CADM1: variants seen among roughly 807,000 people sequenced by gnomAD.
The protein encoded by CADM1 is cell adhesion molecule 1.
CADM1 carries 15 observed loss-of-function variants against 53.1 expected under a neutral mutation model. The observed-to-expected ratio is 0.28, with a 90% CI of 0.19 to 0.44. The LOEUF is 0.44. Among genes scored for constraint, CADM1 ranks in the 20% least tolerant of loss-of-function variants. The probability of loss-of-function intolerance (pLI) is 1.00; values close to 1 mark genes in which losing one functional copy is unlikely to be tolerated. For missense variants in CADM1, 434 were observed against 611.3 expected (o/e 0.71, Z 3.06); for synonymous variants, 281 against 243.0 (o/e 1.16, Z -1.45).
intron 5 of CADM1, among the ~76,000 whole-genome samples, chr11:115,222,541 C>G (rs1007608709): frequency 6.6e-6 from 1 of 152,026 alleles, no homozygotes; most frequent in African/African-American, 2.4e-5. Context: ...TTTTCACTGC[C>G]GTTTATTTTG....
At chr11:115,273,295 T>C (rs1430089902) in intron 1 of CADM1, among the ~76,000 whole-genome samples, 1 of 152,222 alleles carries the variant, frequency 6.6e-6, no homozygotes. Flanking sequence ...ATAAAGAATG[T>C]CTATACTACA....
chr11:115,211,929 T>G (rs1940985019), intron 7 of CADM1, among the ~76,000 whole-genome samples: 1 of 151,352 alleles, frequency 6.6e-6, no homozygotes, highest in Non-Finnish European at 1.5e-5. Context: ...AGACACAGAC[T>G]TCAGAGAAAG....
chr11:115,469,031 C>CA (rs1948954036), intron 1 of CADM1, among the ~76,000 whole-genome samples: 1 of 152,136 alleles, frequency 6.6e-6, no homozygotes, highest in Non-Finnish European at 1.5e-5. Flanking sequence ...AATTACCTCC[C>CA]ACCGGGTCCC....
chr11:115,274,786 G>A (rs1943398556), intron 1 of CADM1, among the ~76,000 whole-genome samples: 1 of 152,034 alleles, frequency 6.6e-6, no homozygotes, highest in South Asian at 2.1e-4. Context: ...TCTTGGGTGG[G>A]GTGGCAGCCC....
chr11:115,308,612 C>T (rs899540451), intron 1 of CADM1, among the ~76,000 whole-genome samples: 9 of 151,872 alleles, frequency 5.9e-5, no homozygotes, highest in East Asian at 1.9e-4. Flanking sequence ...TTAGTTTTCT[C>T]GTAGAAAGGT....
chr11:115,318,398 C>T (rs1315040503), intron 1 of CADM1, among the ~76,000 whole-genome samples: 1 of 152,118 alleles, frequency 6.6e-6, no homozygotes, highest in Non-Finnish European at 1.5e-5. Flanking sequence ...TGCTTAGTTT[C>T]CTCAAGTTTC....
chr11:115,384,551 C>T (rs1946653548), intron 1 of CADM1, among the ~76,000 whole-genome samples: 2 of 152,276 alleles, frequency 1.3e-5, no homozygotes, highest in South Asian at 4.1e-4. Context: ...TGCTTCTTTG[C>T]AACTGGGTAG....
intron 1 of CADM1, among the ~76,000 whole-genome samples, chr11:115,298,507 A>G (rs1337428890): frequency 3.3e-5 from 5 of 152,316 alleles, no homozygotes; most frequent in South Asian, 2.1e-4. Context: ...CTCTTTAACA[A>G]TAACTTCTCC....
chr11:115,494,930 G>T (rs1024218084), intron 1 of CADM1, among the ~76,000 whole-genome samples: 1 of 152,114 alleles, frequency 6.6e-6, no homozygotes, highest in Admixed American at 6.5e-5. Context: ...GCCCAGAGAT[G>T]GAGAGATTTG....
At chr11:115,324,958 C>T (rs774489170) in intron 1 of CADM1, among the ~76,000 whole-genome samples, 50 of 152,164 alleles carry the variant, frequency 3.3e-4, no homozygotes, top group Non-Finnish European at 5.9e-4. Flanking sequence ...TTATGAGCTG[C>T]TTTTTCCCCT....
At chr11:115,250,970 G>C (rs1942586761) in intron 1 of CADM1, among the ~76,000 whole-genome samples, 1 of 152,184 alleles carries the variant, frequency 6.6e-6, no homozygotes, top group African/African-American at 2.4e-5. Flanking sequence ...GAGAACTAAT[G>C]AATGAATTTA....
At chr11:115,302,406 G>A (rs1368678227) in intron 1 of CADM1, among the ~76,000 whole-genome samples, 1 of 151,994 alleles carries the variant, frequency 6.6e-6, no homozygotes, top group Non-Finnish European at 1.5e-5. Flanking sequence ...CAAATAGCAA[G>A]TGCATTTTTT....
At chr11:115,250,049 C>T (rs1165681432) in intron 1 of CADM1, among the ~76,000 whole-genome samples, 4 of 152,082 alleles carry the variant, frequency 2.6e-5, no homozygotes, top group East Asian at 1.9e-4. Context: ...GGACTACAGG[C>T]GCCCGCCACC....
At chr11:115,490,560 G>A (rs1949472670) in intron 1 of CADM1, among the ~76,000 whole-genome samples, 2 of 151,830 alleles carry the variant, frequency 1.3e-5, no homozygotes, top group Admixed American at 6.6e-5. Flanking sequence ...CACCACGCCC[G>A]GCTAATTTTT....
Position 115,198,343 on chromosome 11 carries a change from C to G in CADM1, c.1111+63G>C, listed in dbSNP as rs1283546468. ...CCTTGAAGACTACATTTCTCTTTTTCCCAGGCTTGCCTTGCCTCTCAGCAG... is the reference window on the plus strand; with the variant it reads ...CCTTGAAGACTACATTTCTCTTTTTGCCAGGCTTGCCTTGCCTCTCAGCAG... On this transcript the variant is annotated intron_variant, in intron 9 of 11. Coordinates refer to ENST00000331581, the MANE Select transcript of CADM1 (RefSeq NM_001301043.2). 5.5e-6 allele frequency: 7 copies of G among 1,274,002 alleles called. No homozygotes were observed. The East Asian group carries it at 1.7e-4, about 30-fold the overall frequency. The allele number at this position is 1,274,002 out of a possible 1,614,324, so 78.9% of individuals were successfully genotyped here.
At chr11:115,333,068 T>C (rs1329468844) in intron 1 of CADM1, among the ~76,000 whole-genome samples, 1 of 152,122 alleles carries the variant, frequency 6.6e-6, no homozygotes, top group Admixed American at 6.6e-5. Context: ...TGATGTCCCA[T>C]CAGTTCTTCA....
chr11:115,279,747 T>TA (rs952797477), intron 1 of CADM1, among the ~76,000 whole-genome samples: 21 of 152,310 alleles, frequency 1.4e-4, no homozygotes, highest in African/African-American at 4.8e-4. Context: ...GACAAATTTA[T>TA]AAAAAATATA....
chr11:115,171,769 G>A lies in CADM1; in HGVS notation c.*4705C>T, dbSNP rs1938798271. The A allele has an allele frequency of 6.6e-6, 1 of 152,194 alleles. No homozygotes were observed. Among genetic ancestry groups the A allele is most frequent in the Non-Finnish European group, 1.5e-5 (1 of 68,048 alleles). The allele number at this position is 152,194 out of a possible 1,614,324, so 9.4% of individuals were successfully genotyped here. ...TGCAGACAAGAGGGAGAGGGGTGGG[G>A]AGACTAAACATACTGCATGCCACGT... On this transcript the variant is annotated 3_prime_UTR_variant, in exon 12 of 12. Coordinates refer to ENST00000331581, the MANE Select transcript of CADM1 (RefSeq NM_001301043.2).
chr11:115,238,615 A>C lies in CADM1; in HGVS notation c.309T>G (p.Ser103=). 1 of 1,613,930 alleles carries C rather than the reference A, an allele frequency of 6.2e-7. No homozygotes were observed. Among genetic ancestry groups the C allele is most frequent in the Non-Finnish European group, 8.5e-7 (1 of 1,179,840 alleles). Residue 103 remains serine (S), a synonymous_variant, in exon 3 of 12, where the codon TCT becomes TCG. Transcript: ENST00000331581. ...TCAATGATACTTTGAGTTCACTGCT[A>C]GAAAAATTCAGCAACTGAAACCTGC... ...KDSRFQLLNF[S]SSELKVSLTN...
Sources: allele counts gnomAD v4.1 joint callset (sites outside exome capture counted in the v4.1 genomes callset), GRCh38; gene constraint gnomAD v4.1.1; transcripts MANE v1.5; gene names NCBI Gene and HGNC (gene_info 2026-07-23, HGNC 2026-07-21).